Variants in AGBL1 observed in about 807,000 individuals in gnomAD.
AGBL1 encodes AGBL carboxypeptidase 1.
AGBL1 carries 130 observed loss-of-function variants against 118.9 expected under a neutral mutation model. That is an observed-to-expected ratio of 1.09 (90% CI 0.95 to 1.26). AGBL1 has a LOEUF of 1.26. Among genes scored for constraint, AGBL1 ranks in the 50% most tolerant of loss-of-function variants. The pLI is 0.00. For missense variants in AGBL1, 1,584 were observed against 1,298.1 expected (o/e 1.22, Z -3.38); for synonymous variants, 555 against 478.9 (o/e 1.16, Z -2.08).
rs2084714351 is a variant in AGBL1, at chr15:86,615,882, A to T, written c.2995-58391A>T. On this transcript the variant is annotated intron_variant, in intron 21 of 22. Transcript: ENST00000614907. The surrounding 1 kb of genome is among the most constrained non-coding windows in gnomAD (Gnocchi z 4.3). Reference sequence around the variant, plus strand: ...ATAGGGATGACAGTGTTGGGGTTATACATACATTGATAGGGGGCATCAATA... The same window carrying T: ...ATAGGGATGACAGTGTTGGGGTTATTCATACATTGATAGGGGGCATCAATA... Among the ~76,000 whole-genome samples the T allele has an allele frequency of 2.0e-5, 3 of 152,182 alleles. No individual in the cohort carries two copies. In the South Asian group the frequency reaches 6.2e-4, roughly 31 times the overall value.
intron 18 of AGBL1, among the ~76,000 whole-genome samples, chr15:86,478,698 C>A (rs1183908036): frequency 6.6e-6 from 1 of 152,140 alleles, no homozygotes; most frequent in Non-Finnish European, 1.5e-5. Context: ...CATCAAGCTA[C>A]CAATGACTTT....
chr15:86,414,520 G>A (rs961235816), intron 18 of AGBL1, among the ~76,000 whole-genome samples: 3 of 152,140 alleles, frequency 2.0e-5, no homozygotes, highest in African/African-American at 7.2e-5. Context: ...CAGGACGCTA[G>A]CAGATTGGTG....
chr15:86,988,247 ACTT>A, intron 24 of AGBL1: 5 of 813,410 alleles, frequency 6.1e-6, no homozygotes, highest in Non-Finnish European at 9.4e-6. Context: ...GACAATGCCA[ACTT>A]CTTTTCCAAA....
intron 23 of AGBL1, among the ~76,000 whole-genome samples, chr15:86,952,091 T>A (rs1419958298): frequency 5.9e-5 from 9 of 151,964 alleles, no homozygotes; most frequent in Admixed American, 5.9e-4. Flanking sequence ...ATTAGTTGTG[T>A]GTGGTGGCAG....
chr15:86,693,128 AGT>A (rs1475352770), intron 22 of AGBL1, among the ~76,000 whole-genome samples: 3 of 152,130 alleles, frequency 2.0e-5, no homozygotes, highest in African/African-American at 7.2e-5. Context: ...GATACCCAGT[AGT>A]GTGATTGCTG....
At chr15:87,022,182 A>G (rs2081671711) in intron 24 of AGBL1, among the ~76,000 whole-genome samples, 1 of 152,060 alleles carries the variant, frequency 6.6e-6, no homozygotes, top group African/African-American at 2.4e-5. Flanking sequence ...TCAGCCCTAC[A>G]CCTTCCCTCT....
At chr15:86,574,197 G>A (rs926275584) in intron 21 of AGBL1, among the ~76,000 whole-genome samples, 25 of 152,180 alleles carry the variant, frequency 1.6e-4, no homozygotes, top group Admixed American at 1.2e-3. Flanking sequence ...GAAGGCGAGA[G>A]CATTTATCTG....
intron 18 of AGBL1, among the ~76,000 whole-genome samples, chr15:86,495,567 A>C (rs952231025): frequency 6.6e-6 from 1 of 151,854 alleles, no homozygotes; most frequent in African/African-American, 2.4e-5. Context: ...TTTTGATGCC[A>C]GAAGGTCATG....
intron 5 of AGBL1, 33 bp from the exon 6 acceptor site, chr15:86,224,881 T>A: frequency 3.7e-6 from 6 of 1,611,468 alleles, no homozygotes; most frequent in African/African-American, 1.3e-5. Flanking sequence ...GACCATTGAA[T>A]GTTGACTGTT....
chr15:86,845,636 A>T (rs2079307422), intron 22 of AGBL1, among the ~76,000 whole-genome samples: 1 of 152,190 alleles, frequency 6.6e-6, no homozygotes, highest in Admixed American at 6.5e-5. Context: ...ATTATCTGAA[A>T]GAGTTGGTGA....
At chr15:86,709,979 T>A (rs2086525656) in intron 22 of AGBL1, among the ~76,000 whole-genome samples, 1 of 152,180 alleles carries the variant, frequency 6.6e-6, no homozygotes, top group South Asian at 2.1e-4. Context: ...CCCCAACTTT[T>A]CCCTGCTTCA....
At chr15:86,866,984 A>G (rs1003153266) in intron 22 of AGBL1, among the ~76,000 whole-genome samples, 4 of 152,198 alleles carry the variant, frequency 2.6e-5, no homozygotes, top group Middle Eastern at 3.2e-3. Flanking sequence ...CATTTGATTA[A>G]CTAATGTCTG....
intron 1 of AGBL1, chr15:86,140,195 A>G (rs2076944160): frequency 1.3e-5 from 2 of 150,150 alleles, no homozygotes; most frequent in South Asian, 3.9e-4. Flanking sequence ...CAATTAGTTG[A>G]TTTTTTCAAT....
At chr15:86,702,408 C>A (rs182550833) in intron 22 of AGBL1, among the ~76,000 whole-genome samples, 2 of 152,060 alleles carry the variant, frequency 1.3e-5, no homozygotes, top group African/African-American at 2.4e-5. Flanking sequence ...TTCAATAGTT[C>A]TAGATATATA....
intron 9 of AGBL1, among the ~76,000 whole-genome samples, chr15:86,260,980 G>T (rs1175611026): frequency 6.6e-6 from 1 of 152,200 alleles, no homozygotes; most frequent in Non-Finnish European, 1.5e-5. Context: ...AACTTTGAAG[G>T]CAGAAATGGT....
At chr15:86,168,012 A>G (rs1277651309) in intron 5 of AGBL1, among the ~76,000 whole-genome samples, 1 of 152,236 alleles carries the variant, frequency 6.6e-6, no homozygotes, top group Admixed American at 6.5e-5. Flanking sequence ...TAGGTATTCA[A>G]TAAATGCCAG....
chr15:86,713,736 C>T (rs1370015083), intron 22 of AGBL1, among the ~76,000 whole-genome samples: 2 of 152,030 alleles, frequency 1.3e-5, no homozygotes, highest in Non-Finnish European at 2.9e-5. Context: ...CAGGACGTGC[C>T]TTGGGAGCTC....
At chr15:86,352,551 G>A (rs569466532) in intron 17 of AGBL1, among the ~76,000 whole-genome samples, 21 of 150,980 alleles carry the variant, frequency 1.4e-4, no homozygotes, top group Non-Finnish European at 2.2e-4. Flanking sequence ...GCACCATCTC[G>A]GCTCACTGCA....
intron 1 of AGBL1, among the ~76,000 whole-genome samples, chr15:86,141,508 AGGGGTGGT>A (rs1284175360): frequency 6.6e-6 from 1 of 152,164 alleles, no homozygotes. Flanking sequence ...AAAACTAGCC[AGGGGTGGT>A]GGCACATGCC....
Sources: gnomAD v4.1 joint callset for allele counts (sites outside exome capture counted in the v4.1 genomes callset) on GRCh38, gnomAD v4.1.1 for gene constraint, Gnocchi (gnomAD v3.1) non-coding constraint, MANE v1.5 for transcripts, NCBI Gene and HGNC (gene_info 2026-07-23, HGNC 2026-07-21) for gene names.